The following GPLD1 variants were observed in gnomAD, a reference collection of about 807,000 sequenced individuals.
The protein encoded by GPLD1 is glycosylphosphatidylinositol specific phospholipase D1.
GPLD1 carries 84 observed loss-of-function variants against 112.6 expected under a neutral mutation model. The ratio of observed to expected loss-of-function variants is 0.75; its 90% CI spans 0.63 to 0.89. The LOEUF is 0.89. Ranked by LOEUF, GPLD1 falls within the 40% of genes least tolerant of loss-of-function variation. The probability of loss-of-function intolerance (pLI) is 0.00; values close to 1 mark genes in which losing one functional copy is unlikely to be tolerated. For missense variants in GPLD1, 1,044 were observed against 1,051.5 expected (o/e 0.99, Z 0.10); for synonymous variants, 386 against 403.8 (o/e 0.96, Z 0.53).
intron 10 of GPLD1, among the ~76,000 whole-genome samples, chr6:24,464,913 C>G (rs1171009913): frequency 6.6e-6 from 1 of 152,150 alleles, no homozygotes; most frequent in Non-Finnish European, 1.5e-5. Flanking sequence ...GTTCTCTGGG[C>G]CAGGCATGGT....
rs142050997 is a variant in GPLD1 at position 24,459,185 on chromosome 6, T to C, written c.1008+1094A>G. The stretch of plus-strand genomic sequence containing the variant: ...TCTACTGTCCAAGACCTAACTTGAA[T>C]GTCCCCTCCTCCAGGAAGCCTTCTC... On this transcript the variant is annotated intron_variant, in intron 12 of 24. Coordinates refer to ENST00000230036, the MANE Select transcript of GPLD1 (RefSeq NM_001503.4). 2.8e-4 allele frequency among the ~76,000 whole-genome samples: 42 copies of C among 152,260 alleles called. No homozygotes were observed. The East Asian group carries it at 8.1e-3, about 29-fold the overall frequency.
At chr6:24,438,038 T>C (rs1263795274) in intron 20 of GPLD1, among the ~76,000 whole-genome samples, 1 of 152,126 alleles carries the variant, frequency 6.6e-6, no homozygotes, top group Non-Finnish European at 1.5e-5. Flanking sequence ...GGGCAAGTGA[T>C]TGTGTCCTGA....
chr6:24,437,772 T>C (rs574527759), intron 20 of GPLD1, among the ~76,000 whole-genome samples: 1 of 152,162 alleles, frequency 6.6e-6, no homozygotes, highest in South Asian at 2.1e-4. Flanking sequence ...CATGATGTGC[T>C]CTCTGCCTGG....
intron 14 of GPLD1, among the ~76,000 whole-genome samples, chr6:24,452,969 C>T (rs11753038): frequency 0.03 from 4,527 of 152,202 alleles, 97 homozygotes; most frequent in Middle Eastern, 0.075. Context: ...AAGCCCCACA[C>T]TCATTGGTGA....
At chr6:24,434,088 T>C (rs914930081) in intron 22 of GPLD1, among the ~76,000 whole-genome samples, 2 of 152,060 alleles carry the variant, frequency 1.3e-5, no homozygotes, top group African/African-American at 4.8e-5. Flanking sequence ...CTCGGTATAT[T>C]GTTAGGTAGA....
rs1199660000 is a variant in GPLD1 at position 24,449,705 on chromosome 6, G to A, written c.1446+84C>T. ...CACACTGGCTGTCTGCTTTGCTCCA[G>A]GGGCTCATCCCAGCGTTGGCCTCCC... is the stretch of plus-strand genomic sequence containing the variant. On this transcript the variant is annotated intron_variant, in intron 15 of 24. Coordinates refer to ENST00000230036, the MANE Select transcript of GPLD1 (RefSeq NM_001503.4). 4.7e-6 allele frequency: 4 copies of A among 855,342 alleles called. No homozygotes were observed. In the Admixed American group the frequency reaches 8.3e-5, roughly 18 times the overall value. 53.0% of individuals were successfully genotyped at this position (855,342 alleles called of 1,614,324 possible).
In GPLD1 at chr6:24,475,170, C is replaced by T. The variant is rs1763967269; in HGVS notation, c.392G>A (p.Ser131Asn). The change falls in exon 5 of 25, where the codon AGC becomes AAC. Residue 131 changes from serine (S) to asparagine (N), a missense_variant. Coordinates refer to ENST00000230036, the MANE Select transcript of GPLD1 (RefSeq NM_001503.4). Reference protein sequence around the residue: ...GITSHMAADVSWHSLGLEQGF... With the variant: ...GITSHMAADVNWHSLGLEQGF... ...TTGTTCAAGGCCCAGACTATGCCAG[C>T]TGACATCTGCCGCCATGTGAGAAGT... 6.2e-7 allele frequency: 1 copy of T among 1,612,720 alleles called. No homozygotes were observed. The highest frequency in any genetic ancestry group is 1.1e-5 in the South Asian group (1 of 91,058).
chr6:24,488,553 T>A (rs1260341318), intron 1 of GPLD1, among the ~76,000 whole-genome samples: 1 of 152,236 alleles, frequency 6.6e-6, no homozygotes, highest in Non-Finnish European at 1.5e-5. Flanking sequence ...ATACACTTCA[T>A]ACAAGAACCA....
chr6:24,467,147 G>T lies in GPLD1; in HGVS notation c.653+20C>A. 1 of 1,348,844 alleles carries T rather than the reference G, an allele frequency of 7.4e-7. No individual in the cohort carries two copies. The highest frequency in any genetic ancestry group is 1.1e-6 in the Non-Finnish European group (1 of 938,622). 83.6% of individuals were successfully genotyped at this position (1,348,844 alleles called of 1,614,324 possible). A position where few individuals can be genotyped will look rare whatever the true frequency, so the allele number is the denominator to read the frequency against. ...GTCACAACAAAATCAGCTGCAAATT[G>T]TCCTCTGAGTTACGCTTACATTTCT... On this transcript the variant is annotated intron_variant, in intron 8 of 24. Coordinates refer to ENST00000230036, the MANE Select transcript of GPLD1 (RefSeq NM_001503.4).
intron 5 of GPLD1, among the ~76,000 whole-genome samples, chr6:24,474,175 A>C (rs1184652685): frequency 7.4e-5 from 1 of 13,600 alleles, no homozygotes; most frequent in African/African-American, 1.3e-4. Context: ...ACACCCACAT[A>C]CACACACACA....
In GPLD1 at chr6:24,445,551, G is replaced by C; in HGVS notation, c.2015C>G (p.Thr672Arg). 1 of 1,610,224 alleles carries C rather than the reference G, an allele frequency of 6.2e-7. No homozygotes were observed. Among genetic ancestry groups the C allele is most frequent in the Non-Finnish European group, 8.5e-7 (1 of 1,176,478 alleles). Residue 672 changes from threonine to arginine, a missense_variant, in exon 20 of 25, where the codon ACG becomes AGG. Coordinates refer to ENST00000230036, the MANE Select transcript of GPLD1 (RefSeq NM_001503.4). ...TTTCACAGTGTGTGACCTACCGTAC[G>C]TAGGGGCTCCAACCAGCAGCACTTG... Reference protein sequence around the residue: ...LKQVLLVGAPTYDDVSKVAFL... With the variant: ...LKQVLLVGAPRYDDVSKVAFL...
intron 14 of GPLD1, among the ~76,000 whole-genome samples, chr6:24,453,149 T>A (rs1763147639): frequency 6.6e-6 from 1 of 152,142 alleles, no homozygotes; most frequent in Non-Finnish European, 1.5e-5. Flanking sequence ...TTTTTTCAGG[T>A]GATGAATAAC....
rs78279590 is a variant in GPLD1 at position 24,427,321 on chromosome 6, G to T, written c.*1711C>A. Among the ~76,000 whole-genome samples the T allele has an allele frequency of 0.12, 18,653 of 152,182 alleles. 1,469 individuals are homozygous for T. Among genetic ancestry groups the T allele is most frequent in the East Asian group, 0.16 (816 of 5,180 alleles). On this transcript the variant is annotated 3_prime_UTR_variant, in exon 25 of 25. Transcript: ENST00000230036. Reference sequence around the variant, plus strand: ...GCTTTCCTCTCCGGCCCTTACAGTAGCGTGTGGCTCAGGCCACATCTTTTC... The same window carrying T: ...GCTTTCCTCTCCGGCCCTTACAGTATCGTGTGGCTCAGGCCACATCTTTTC...
At chr6:24,466,240 G>A (rs1265518813) in intron 10 of GPLD1, among the ~76,000 whole-genome samples, 1 of 152,242 alleles carries the variant, frequency 6.6e-6, no homozygotes, top group Non-Finnish European at 1.5e-5. Context: ...CCAGCTGATT[G>A]GGAGGCTGAG....
downstream of GPLD1, chr6:24,425,673 TTA>T (rs1762210812): frequency 6.6e-6 from 1 of 152,340 alleles, no homozygotes; most frequent in Admixed American, 6.5e-5. Context: ...AAACACTGGG[TTA>T]TGTGAGTGAG....
At chr6:24,462,121 A>C (rs1389742003) in intron 11 of GPLD1, among the ~76,000 whole-genome samples, 1 of 152,082 alleles carries the variant, frequency 6.6e-6, no homozygotes, top group African/African-American at 2.4e-5. Flanking sequence ...AGTTACAATA[A>C]TACTAACTAC....
intron 4 of GPLD1, among the ~76,000 whole-genome samples, chr6:24,475,475 G>C (rs1763977949): frequency 6.6e-6 from 1 of 151,262 alleles, no homozygotes. Flanking sequence ...GGGAGGCGGA[G>C]GTTGCAGTGA....
Position 24,437,228 on chromosome 6 carries a change from C to T in GPLD1, c.2082G>A (p.Met694Ile). 1 of 1,614,182 alleles carries T rather than the reference C, an allele frequency of 6.2e-7. No homozygotes were observed. The highest frequency in any genetic ancestry group is 1.1e-5 in the South Asian group (1 of 91,090). ...VTLHQGGATR[M>I]YALTSDAQPL... ...GCTGCGCGTCAGATGTGAGTGCGTA[C>T]ATGCGAGTGGCTCCGCCTTGGTGTA... The change falls in exon 21 of 25, where the codon ATG (methionine) becomes ATA (isoleucine). Residue 694 changes from methionine (M) to isoleucine (I), a missense_variant. Coordinates refer to ENST00000230036, the MANE Select transcript of GPLD1 (RefSeq NM_001503.4).
At chr6:24,458,004 C>T (rs530709723) in intron 12 of GPLD1, among the ~76,000 whole-genome samples, 2 of 151,922 alleles carry the variant, frequency 1.3e-5, no homozygotes, top group Non-Finnish European at 2.9e-5. Context: ...GACAACAAGC[C>T]CCTCAGCTTG....
Sources: allele counts gnomAD v4.1 joint callset (sites outside exome capture counted in the v4.1 genomes callset), GRCh38; gene constraint gnomAD v4.1.1; transcripts MANE v1.5; gene names NCBI Gene and HGNC (gene_info 2026-07-23, HGNC 2026-07-21).